EXOC6B: variants seen among roughly 807,000 people sequenced by gnomAD.
The protein encoded by EXOC6B is SEC15 homolog B.
A neutral mutation model predicts 113.5 loss-of-function variants in EXOC6B; 54 were observed. The ratio of observed to expected loss-of-function variants is 0.48; its 90% CI spans 0.38 to 0.60. The LOEUF (loss-of-function observed/expected upper bound fraction) is 0.60, where lower values mean the gene tolerates loss of function less well. Ranked by LOEUF, EXOC6B falls within the 20% of genes least tolerant of loss-of-function variation. EXOC6B has a pLI of 0.00. For synonymous variants in EXOC6B, 357 were observed against 339.0 expected (o/e 1.05, Z -0.58); for missense variants, 797 against 977.5 (o/e 0.82, Z 2.46).
intron 20 of EXOC6B, among the ~76,000 whole-genome samples, chr2:72,232,971 C>T (rs1681724849): frequency 6.6e-6 from 1 of 151,358 alleles, no homozygotes; most frequent in African/African-American, 2.4e-5. Context: ...ACTTGGGGGG[C>T]TGAGGCAAGA....
chr2:72,641,945 G>A (rs759671154), intron 6 of EXOC6B, among the ~76,000 whole-genome samples: 3 of 152,228 alleles, frequency 2.0e-5, no homozygotes, highest in Non-Finnish European at 2.9e-5. Flanking sequence ...CAGGCAAAAA[G>A]GGTCCGGAGT....
intron 6 of EXOC6B, among the ~76,000 whole-genome samples, chr2:72,621,651 A>T (rs753779366): frequency 1.1e-4 from 17 of 152,102 alleles, no homozygotes; most frequent in South Asian, 2.1e-4. Flanking sequence ...AAATATATAT[A>T]TTTTTTCCTT....
chr2:72,745,668 A>G (rs931389792), intron 1 of EXOC6B, among the ~76,000 whole-genome samples: 7 of 152,142 alleles, frequency 4.6e-5, no homozygotes, highest in Non-Finnish European at 1.0e-4. Flanking sequence ...ATAGGTTAAA[A>G]ACCACAAATT....
rs71337704 is a variant in EXOC6B at position 72,401,551 on chromosome 2, A to G, written c.1981-21681T>C. On this transcript the variant is annotated intron_variant, in intron 18 of 21. Transcript: ENST00000272427. ...TATATATATATATATATATGTGTAT[A>G]TATATATATATATACATATATATAT... Among the ~76,000 whole-genome samples, 6 of 37,022 alleles carry G rather than the reference A, an allele frequency of 1.6e-4. 1 individual carries two copies. The highest frequency in any genetic ancestry group is 4.3e-4 in the Admixed American group (1 of 2,332). 24.3% of individuals were successfully genotyped at this position (37,022 alleles called of 152,430 possible).
chr2:72,197,739 T>G, intron 20 of EXOC6B, among the ~76,000 whole-genome samples: 1 of 151,906 alleles, frequency 6.6e-6, no homozygotes, highest in Non-Finnish European at 1.5e-5. Context: ...AAGACTAAAA[T>G]GTGATCACAA....
chr2:72,401,567 A>ATATATATATATATATGTG, intron 18 of EXOC6B, among the ~76,000 whole-genome samples: 1 of 18,582 alleles, frequency 5.4e-5, no homozygotes, highest in East Asian at 1.2e-3. Flanking sequence ...ATATATATAC[A>ATATATATATATATATGTG]TATATATATA....
chr2:72,564,996 C>T (rs1307428051), intron 7 of EXOC6B, among the ~76,000 whole-genome samples: 1 of 152,108 alleles, frequency 6.6e-6, no homozygotes, highest in Non-Finnish European at 1.5e-5. Context: ...CTTACTGAGG[C>T]ACTGCAAAAA....
intron 18 of EXOC6B, among the ~76,000 whole-genome samples, chr2:72,386,597 A>G: frequency 6.6e-6 from 1 of 152,220 alleles, no homozygotes; most frequent in Non-Finnish European, 1.5e-5. Context: ...TCAAAGGTGC[A>G]TAGGTACAGC....
chr2:72,354,065 G>A (rs1689830689), intron 19 of EXOC6B, among the ~76,000 whole-genome samples: 1 of 152,112 alleles, frequency 6.6e-6, no homozygotes, highest in African/African-American at 2.4e-5. Flanking sequence ...TGGTCTTTTA[G>A]AAACTATTAG....
intron 1 of EXOC6B, among the ~76,000 whole-genome samples, chr2:72,803,536 C>G (rs1048854394): frequency 6.6e-6 from 1 of 151,950 alleles, no homozygotes; most frequent in Non-Finnish European, 1.5e-5. Context: ...GTCCAAAACA[C>G]TTTGAGAGCA....
intron 7 of EXOC6B, among the ~76,000 whole-genome samples, chr2:72,561,505 C>G (rs890524134): frequency 6.6e-6 from 1 of 152,046 alleles, no homozygotes; most frequent in African/African-American, 2.4e-5. Flanking sequence ...CATCTCAGAA[C>G]CATAGTTTCA....
intron 21 of EXOC6B, 80 bp from the exon 22 acceptor site, chr2:72,179,541 C>T (rs1287269077): frequency 6.5e-7 from 1 of 1,529,336 alleles, no homozygotes. Context: ...AGCAGGATGG[C>T]AATGCATCTT....
At chr2:72,377,464 A>G (rs905786941) in intron 19 of EXOC6B, among the ~76,000 whole-genome samples, 4 of 152,170 alleles carry the variant, frequency 2.6e-5, no homozygotes, top group Non-Finnish European at 5.9e-5. Context: ...AGTGTATATC[A>G]ATGGAGGAAT....
chr2:72,198,438 C>T (rs1258081541), intron 20 of EXOC6B, among the ~76,000 whole-genome samples: 1 of 152,142 alleles, frequency 6.6e-6, no homozygotes, highest in Admixed American at 6.5e-5. Context: ...TTACTGAGAA[C>T]CAAGTGTTGG....
intron 19 of EXOC6B, among the ~76,000 whole-genome samples, chr2:72,336,968 T>C (rs537683278): frequency 1.1e-4 from 17 of 150,748 alleles, no homozygotes; most frequent in Non-Finnish European, 2.1e-4. Context: ...GATTGCATTA[T>C]TGCACTCCAG....
chr2:72,256,270 A>G (rs1036082122), intron 20 of EXOC6B, among the ~76,000 whole-genome samples: 11 of 152,224 alleles, frequency 7.2e-5, no homozygotes, highest in Admixed American at 7.2e-4. Flanking sequence ...GAACGGTTAG[A>G]AATAAAATTC....
chr2:72,377,810 G>C (rs1691443819), intron 19 of EXOC6B, among the ~76,000 whole-genome samples: 1 of 152,078 alleles, frequency 6.6e-6, no homozygotes, highest in African/African-American at 2.4e-5. Context: ...ACAATGTACT[G>C]AAATCTTGAA....
chr2:72,304,078 C>T (rs1158229185), intron 20 of EXOC6B, among the ~76,000 whole-genome samples: 2 of 152,172 alleles, frequency 1.3e-5, no homozygotes, highest in Non-Finnish European at 2.9e-5. Flanking sequence ...CCCAGGTGGG[C>T]GTTTATCCTG....
intron 6 of EXOC6B, among the ~76,000 whole-genome samples, chr2:72,625,681 T>C (rs1672009329): frequency 6.6e-6 from 1 of 152,208 alleles, no homozygotes; most frequent in Admixed American, 6.5e-5. Flanking sequence ...TACACTTTTG[T>C]CCAAGATCCC....
Sources: allele counts gnomAD v4.1 joint callset (sites outside exome capture counted in the v4.1 genomes callset), GRCh38; gene constraint gnomAD v4.1.1; transcripts MANE v1.5; gene names NCBI Gene and HGNC (gene_info 2026-07-23, HGNC 2026-07-21).